Variants in DTD1 observed in about 807,000 individuals in gnomAD.
DTD1 encodes the protein D-tyrosyl-tRNA deacylase 1 homolog.
DTD1 carries 13 observed loss-of-function variants against 25.6 expected under a neutral mutation model. The ratio of observed to expected loss-of-function variants is 0.51; its 90% CI spans 0.33 to 0.81. The LOEUF is 0.81. Among genes scored for constraint, DTD1 ranks in the 30% least tolerant of loss-of-function variants. The probability of loss-of-function intolerance (pLI) is 0.02; values close to 1 mark genes in which losing one functional copy is unlikely to be tolerated. For missense variants in DTD1, 193 were observed against 266.4 expected, an observed-to-expected ratio of 0.72 and a Z score of 1.92; for synonymous variants, 110 against 103.6, an observed-to-expected ratio of 1.06 and a Z score of -0.37.
intron 3 of DTD1, among the ~76,000 whole-genome samples, chr20:18,610,454 A>G (rs531703678): frequency 3.9e-5 from 6 of 152,370 alleles, no homozygotes; most frequent in African/African-American, 1.4e-4. Context: ...GCAATCATAA[A>G]TAATTTTATA....
intron 4 of DTD1, among the ~76,000 whole-genome samples, chr20:18,714,725 A>T (rs1486448726): frequency 6.6e-6 from 1 of 151,754 alleles, no homozygotes; most frequent in East Asian, 1.9e-4. Flanking sequence ...TCAGATGAGG[A>T]GCAGGTAAGA....
chr20:18,648,153 G>T (rs2060857319), intron 4 of DTD1, among the ~76,000 whole-genome samples: 1 of 152,184 alleles, frequency 6.6e-6, no homozygotes, highest in South Asian at 2.1e-4. Context: ...TAGGAAGCTG[G>T]TGCAGTCTTC....
intron 4 of DTD1, chr20:18,642,970 C>T: frequency 6.6e-6 from 1 of 151,180 alleles, no homozygotes; most frequent in Non-Finnish European, 1.5e-5. Context: ...GACTGGAGTT[C>T]AATGGTGCGA....
chr20:18,666,029 C>T (rs1356732014), intron 4 of DTD1, among the ~76,000 whole-genome samples: 2 of 152,112 alleles, frequency 1.3e-5, no homozygotes. Flanking sequence ...CCATTTATAT[C>T]CTCTTTCTGT....
rs1448364646 is a variant in DTD1, at chr20:18,744,184, C to T, written c.562C>T (p.Pro188Ser). 17 of 1,612,178 alleles carry T rather than the reference C, an allele frequency of 1.1e-5. No individual in the cohort carries two copies. The highest frequency in any genetic ancestry group is 1.3e-5 in the Non-Finnish European group (15 of 1,180,024). The change falls in exon 5 of 6, where the codon CCC (proline) becomes TCC (serine). Residue 188 changes from proline (P) to serine (S), a missense_variant. Pro to Ser is a moderately conservative substitution (Grantham distance 74). Transcript: ENST00000377452. ...PSESSKERNT[P>S]RKEDRSASSG... is the part of the protein sequence containing the mutation. ...TGAATCAAGCAAGGAAAGAAACACTCCCCGAAAAGAAGACCGCAGTGCCAG... is the reference window on the plus strand; with the variant it reads ...TGAATCAAGCAAGGAAAGAAACACTTCCCGAAAAGAAGACCGCAGTGCCAG...
At chr20:18,745,538 C>A (rs1256024325) in intron 5 of DTD1, among the ~76,000 whole-genome samples, 4 of 152,102 alleles carry the variant, frequency 2.6e-5, no homozygotes. Context: ...CCCTCAGAGG[C>A]CTGGGACCAG....
chr20:18,592,459 CA>C (rs970176251), intron 1 of DTD1: 1 of 151,988 alleles, frequency 6.6e-6, no homozygotes, highest in Non-Finnish European at 1.5e-5. Context: ...AGTTCTGCAT[CA>C]ATATGGTGAG....
chr20:18,697,782 T>C (rs1185019934), intron 4 of DTD1, among the ~76,000 whole-genome samples: 1 of 152,238 alleles, frequency 6.6e-6, no homozygotes, highest in African/African-American at 2.4e-5. Flanking sequence ...CCTCTTAGGT[T>C]CACGCCATTC....
At chr20:18,653,499 G>A (rs2060881523) in intron 4 of DTD1, among the ~76,000 whole-genome samples, 1 of 152,086 alleles carries the variant, frequency 6.6e-6, no homozygotes, top group African/African-American at 2.4e-5. Context: ...TGTGAAATAA[G>A]AATACTCTAA....
intron 4 of DTD1, among the ~76,000 whole-genome samples, chr20:18,723,706 C>T (rs1031879062): frequency 1.2e-4 from 18 of 152,218 alleles, no homozygotes; most frequent in Admixed American, 8.5e-4. Flanking sequence ...GGTGAATTTA[C>T]ATACCTCAAA....
At chr20:18,677,340 C>G (rs2122403528) in intron 4 of DTD1, among the ~76,000 whole-genome samples, 1 of 151,788 alleles carries the variant, frequency 6.6e-6, no homozygotes, top group African/African-American at 2.4e-5. Context: ...TCCGTGTTCT[C>G]TTGTGCAGCT....
chr20:18,639,116 T>C (rs2060819260), intron 4 of DTD1, among the ~76,000 whole-genome samples: 1 of 151,530 alleles, frequency 6.6e-6, no homozygotes, highest in Admixed American at 6.6e-5. Flanking sequence ...CACCCCTGGT[T>C]TTTAGTGATC....
intron 4 of DTD1, among the ~76,000 whole-genome samples, chr20:18,692,663 C>G (rs1413266267): frequency 1.3e-5 from 2 of 152,176 alleles, no homozygotes; most frequent in Non-Finnish European, 2.9e-5. Context: ...CCACTGACTG[C>G]CTGGAAGGAG....
chr20:18,671,129 G>T (rs2060950149), intron 4 of DTD1, among the ~76,000 whole-genome samples: 1 of 152,190 alleles, frequency 6.6e-6, no homozygotes, highest in Admixed American at 6.5e-5. Context: ...AAGGCAGGTG[G>T]ATGGAGAAAG....
At chr20:18,598,249 A>G (rs1233375777) in intron 3 of DTD1, among the ~76,000 whole-genome samples, 1 of 150,714 alleles carries the variant, frequency 6.6e-6, no homozygotes, top group Non-Finnish European at 1.5e-5. Context: ...TGTTCTTGTG[A>G]TGGTTTGCTG....
At chr20:18,685,305 G>C (rs1337412986) in intron 4 of DTD1, among the ~76,000 whole-genome samples, 4 of 152,218 alleles carry the variant, frequency 2.6e-5, no homozygotes, top group African/African-American at 9.6e-5. Flanking sequence ...TATGTGGCAA[G>C]GGATAAAGGT....
intron 4 of DTD1, among the ~76,000 whole-genome samples, chr20:18,693,517 T>G (rs1221420759): frequency 1.3e-5 from 2 of 151,730 alleles, no homozygotes; most frequent in African/African-American, 4.8e-5. Flanking sequence ...ATTAGCTGGG[T>G]TTGGTGGCAC....
At chr20:18,650,905 T>A (rs1018928923) in intron 4 of DTD1, among the ~76,000 whole-genome samples, 2 of 152,190 alleles carry the variant, frequency 1.3e-5, no homozygotes, top group Admixed American at 6.5e-5. Flanking sequence ...AATGTAATTT[T>A]AAAAAATCTC....
chr20:18,696,483 C>T (rs140774119), intron 4 of DTD1, among the ~76,000 whole-genome samples: 96 of 152,258 alleles, frequency 6.3e-4, no homozygotes, highest in Middle Eastern at 3.4e-3. Flanking sequence ...AATTCATGGG[C>T]GTGACTGACA....
Sources: gnomAD v4.1 joint callset for allele counts (sites outside exome capture counted in the v4.1 genomes callset) on GRCh38, gnomAD v4.1.1 for gene constraint, MANE v1.5 for transcripts, NCBI Gene and HGNC (gene_info 2026-07-23, HGNC 2026-07-21) for gene names.